The following POU3F3 variants were observed in gnomAD, a reference collection of about 807,000 sequenced individuals.
The protein encoded by POU3F3 is POU class 3 homeobox 3.
In POU3F3, 1 loss-of-function variant was observed where a neutral mutation model predicts 8.6. That is an observed-to-expected ratio of 0.12 (90% confidence interval 0.04 to 0.55). POU3F3 has a LOEUF of 0.55. POU3F3 is among the 20% of genes least tolerant of loss of function. The probability of loss-of-function intolerance (pLI) is 0.91; values close to 1 mark genes in which losing one functional copy is unlikely to be tolerated. For synonymous variants in POU3F3, 418 were observed against 327.4 expected, an observed-to-expected ratio of 1.28 and a Z score of -2.99; for missense variants, 577 against 690.7, an observed-to-expected ratio of 0.84 and a Z score of 1.84.
chr2:104,879,314 C>T, the POU3F3 span, among the ~76,000 whole-genome samples: 1 of 152,000 alleles, frequency 6.6e-6, no homozygotes, highest in Non-Finnish European at 1.5e-5. Context: ...GTCCGGGAGA[C>T]CAGCCCTGGC....
the POU3F3 span, chr2:104,867,997 A>G: frequency 5.6e-5 from 19 of 341,244 alleles, no homozygotes; most frequent in African/African-American, 2.8e-4. This position sits in a 1 kb window ranked among gnomAD's most constrained non-coding sequence, Gnocchi z 5.0. Flanking sequence ...CTCTGGGGTA[A>G]CCCTGGGCCC....
chr2:104,908,195 A>G, the POU3F3 span, among the ~76,000 whole-genome samples: 2 of 152,292 alleles, frequency 1.3e-5, no homozygotes, highest in East Asian at 1.9e-4. Flanking sequence ...TCTATTTACC[A>G]ATATTTTATT....
chr2:104,906,974 C>T, the POU3F3 span, among the ~76,000 whole-genome samples: 11 of 152,090 alleles, frequency 7.2e-5, no homozygotes, highest in East Asian at 1.9e-4. Flanking sequence ...GCGTATCTGT[C>T]GGGGTTGGCT....
At chr2:104,865,343 G>A in the POU3F3 span, 1 of 152,162 alleles carries the variant, frequency 6.6e-6, no homozygotes, top group African/African-American at 2.4e-5. Context: ...ATACACCTGA[G>A]GTATGTCTGG....
chr2:104,911,746 C>G, the POU3F3 span, among the ~76,000 whole-genome samples: 1 of 151,458 alleles, frequency 6.6e-6, no homozygotes, highest in African/African-American at 2.4e-5. Context: ...AGGAACCATC[C>G]GAGACTGGGA....
the POU3F3 span, among the ~76,000 whole-genome samples, chr2:104,863,607 C>T: frequency 6.6e-6 from 1 of 152,028 alleles, no homozygotes; most frequent in Admixed American, 6.5e-5. Flanking sequence ...TGCCCAGGGC[C>T]CTGGAGCCCT....
chr2:104,860,236 A>G (rs185690633), downstream of POU3F3, among the ~76,000 whole-genome samples: 1 of 152,354 alleles, frequency 6.6e-6, no homozygotes, highest in East Asian at 1.9e-4. Flanking sequence ...AAGCTGGGAA[A>G]GCAAACCCAT....
chr2:104,921,593 T>A, the POU3F3 span, among the ~76,000 whole-genome samples: 1 of 152,198 alleles, frequency 6.6e-6, no homozygotes, highest in Non-Finnish European at 1.5e-5. Context: ...ACCCTTCTCC[T>A]CTGACTGAAG....
chr2:104,877,449 T>C, the POU3F3 span, among the ~76,000 whole-genome samples: 1 of 151,872 alleles, frequency 6.6e-6, no homozygotes, highest in Non-Finnish European at 1.5e-5. Flanking sequence ...TGGTGTCCTG[T>C]TTTTATATCA....
At chr2:104,923,811 A>G in the POU3F3 span, among the ~76,000 whole-genome samples, 1 of 152,156 alleles carries the variant, frequency 6.6e-6, no homozygotes, top group Non-Finnish European at 1.5e-5. Flanking sequence ...GGGACCAAAT[A>G]GGTTGAAAGT....
At chr2:104,868,435 T>C in the POU3F3 span, 1 of 443,796 alleles carries the variant, frequency 2.3e-6, no homozygotes, top group Non-Finnish European at 4.6e-6. Flanking sequence ...AGTCAGTGAC[T>C]GTTCCCCTAC....
At chr2:104,879,051 A>G in the POU3F3 span, among the ~76,000 whole-genome samples, 1,682 of 151,928 alleles carry the variant, frequency 0.011, 36 homozygotes, top group African/African-American at 0.038. Context: ...TACAAACCAC[A>G]TACAACACAC....
chr2:104,900,135 A>G, the POU3F3 span, among the ~76,000 whole-genome samples: 1 of 152,226 alleles, frequency 6.6e-6, no homozygotes, highest in East Asian at 1.9e-4. Flanking sequence ...TAGAGTTTCT[A>G]GTGACTCTAG....
chr2:104,889,909 G>A, the POU3F3 span, among the ~76,000 whole-genome samples: 1 of 150,246 alleles, frequency 6.7e-6, no homozygotes, highest in African/African-American at 2.4e-5. Flanking sequence ...TTTCTTGTAA[G>A]TTTTTTTTTT....
chr2:104,903,979 G>T, the POU3F3 span, among the ~76,000 whole-genome samples: 3 of 152,174 alleles, frequency 2.0e-5, no homozygotes, highest in African/African-American at 7.2e-5. Context: ...GAAGTCGTAG[G>T]TAAGATTCAG....
At chr2:104,901,980 A>G in the POU3F3 span, among the ~76,000 whole-genome samples, 10 of 152,310 alleles carry the variant, frequency 6.6e-5, no homozygotes, top group South Asian at 1.0e-3. Context: ...CAGCAGCAAC[A>G]TTTCTAGACA....
At chr2:104,891,481 T>C in the POU3F3 span, among the ~76,000 whole-genome samples, 6 of 152,232 alleles carry the variant, frequency 3.9e-5, no homozygotes, top group Non-Finnish European at 7.3e-5. Context: ...TTAGGCATTT[T>C]AACCAAATAT....
the POU3F3 span, among the ~76,000 whole-genome samples, chr2:104,919,419 C>T: frequency 9.8e-5 from 15 of 152,286 alleles, no homozygotes; most frequent in Middle Eastern, 3.4e-3. Context: ...TTCCTGCCAG[C>T]GCCACTTCAG....
At chr2:104,876,130 T>C in the POU3F3 span, among the ~76,000 whole-genome samples, 1 of 152,318 alleles carries the variant, frequency 6.6e-6, no homozygotes, top group Non-Finnish European at 1.5e-5. Context: ...CTGGTTCTAA[T>C]CAGAAGCTGG....
Sources: gnomAD v4.1 joint callset for allele counts (sites outside exome capture counted in the v4.1 genomes callset) on GRCh38, gnomAD v4.1.1 for gene constraint, Gnocchi (gnomAD v3.1) non-coding constraint, MANE v1.5 for transcripts, NCBI Gene and HGNC (gene_info 2026-07-23, HGNC 2026-07-21) for gene names.